Variants in AMMECR1 observed in about 807,000 individuals in gnomAD.
The protein encoded by AMMECR1 is AMMECR nuclear protein 1.
Under a neutral mutation model 22.5 loss-of-function variants are expected in AMMECR1, and 3 were observed. That is an observed-to-expected ratio of 0.13 (90% CI 0.06 to 0.35). The LOEUF is 0.35. AMMECR1 is among the 10% of genes least tolerant of loss of function. The probability of loss-of-function intolerance (pLI) is 1.00; values close to 1 mark genes in which losing one functional copy is unlikely to be tolerated. For missense variants in AMMECR1, 235 were observed against 278.7 expected (o/e 0.84, Z 1.12); for synonymous variants, 130 against 116.7 (o/e 1.11, Z -0.74).
At chrX:110,338,285 C>T in intron 2 of AMMECR1, among the ~76,000 whole-genome samples, 1 of 112,051 alleles carries the variant, frequency 8.9e-6, no homozygotes, top group East Asian at 2.8e-4. Flanking sequence ...CAGACTTGTA[C>T]CCACAAAGAA....
At chrX:110,248,007 T>G (rs2067667938) in intron 2 of AMMECR1, among the ~76,000 whole-genome samples, 1 of 112,104 alleles carries the variant, frequency 8.9e-6, no homozygotes, top group Non-Finnish European at 1.9e-5. Flanking sequence ...CATAAAATAC[T>G]TGTATACTAC....
intron 1 of AMMECR1, among the ~76,000 whole-genome samples, chrX:110,301,406 G>A (rs1488050828): frequency 8.9e-6 from 1 of 112,529 alleles, no homozygotes; most frequent in Non-Finnish European, 1.9e-5. Context: ...GGCAGATACA[G>A]TGCTAAACAA....
rs777771647 is a variant in AMMECR1, at chrX:110,373,614, T to A, written c.-148+53044A>T. On this transcript the variant is annotated intron_variant, in intron 2 of 7. Coordinates refer to the AMMECR1 transcript ENST00000372057. The stretch of plus-strand genomic sequence containing the variant: ...ATATACAAGAAATGGGAGAATTATG[T>A]CCCAAGAAACTACAGATAATACAGT... Among the ~76,000 whole-genome samples, 17 of 112,555 alleles carry A rather than the reference T, an allele frequency of 1.5e-4. No individual in the cohort carries two copies. The East Asian group carries it at 3.3e-3, about 22-fold the overall frequency.
intron 2 of AMMECR1, among the ~76,000 whole-genome samples, chrX:110,257,409 T>C (rs752373109): frequency 8.9e-6 from 1 of 112,488 alleles, no homozygotes; most frequent in Non-Finnish European, 1.9e-5. Flanking sequence ...GTAAACTCCC[T>C]GTGTATGTGT....
At chrX:110,304,045 T>C (rs1397408643) in intron 1 of AMMECR1, among the ~76,000 whole-genome samples, 1 of 112,256 alleles carries the variant, frequency 8.9e-6, no homozygotes, top group Non-Finnish European at 1.9e-5. Flanking sequence ...CAAAGCATAA[T>C]CATTCCTCAA....
At chrX:110,212,128 C>T (rs985804425) in intron 3 of AMMECR1, among the ~76,000 whole-genome samples, 1 of 111,843 alleles carries the variant, frequency 8.9e-6, no homozygotes, top group Non-Finnish European at 1.9e-5. Flanking sequence ...CTACTAACTT[C>T]CATTATAAAA....
intron 2 of AMMECR1, among the ~76,000 whole-genome samples, chrX:110,397,066 G>A (rs1024687890): frequency 1.9e-4 from 21 of 112,079 alleles, no homozygotes; most frequent in Admixed American, 1.6e-3. Flanking sequence ...TGCCAAAGCA[G>A]ATGACTCCCA....
intron 3 of AMMECR1, among the ~76,000 whole-genome samples, chrX:110,216,143 G>A (rs769484541): frequency 1.8e-5 from 2 of 111,812 alleles, no homozygotes; most frequent in Non-Finnish European, 3.8e-5. Flanking sequence ...TTGTTTCTGA[G>A]ATGTATCCTC....
chrX:110,371,976 G>A (rs1402971174), intron 2 of AMMECR1, among the ~76,000 whole-genome samples: 1 of 111,052 alleles, frequency 9.0e-6, no homozygotes, highest in African/African-American at 3.3e-5. Context: ...ATCCTTTACT[G>A]TTACCAATGC....
intron 2 of AMMECR1, among the ~76,000 whole-genome samples, chrX:110,375,251 G>T (rs2068368234): frequency 1.8e-5 from 2 of 112,111 alleles, no homozygotes; most frequent in East Asian, 2.8e-4. Flanking sequence ...ATATAAGAAA[G>T]AAAGAAAGAT....
At chrX:110,324,381 A>G (rs1484543208) in intron 2 of AMMECR1, among the ~76,000 whole-genome samples, 1 of 110,988 alleles carries the variant, frequency 9.0e-6, no homozygotes, top group Non-Finnish European at 1.9e-5. Context: ...ATTTCTTAAG[A>G]TTTTGTGTAC....
At chrX:110,256,990 C>T (rs2067714174) in intron 2 of AMMECR1, among the ~76,000 whole-genome samples, 1 of 111,612 alleles carries the variant, frequency 9.0e-6, no homozygotes, top group African/African-American at 3.2e-5. Context: ...TCTTATTCTT[C>T]CAGAACACTA....
intron 1 of AMMECR1, among the ~76,000 whole-genome samples, chrX:110,277,130 CT>C (rs1217001714): frequency 1.8e-5 from 2 of 111,280 alleles, no homozygotes; most frequent in Non-Finnish European, 3.8e-5. Context: ...AGGAGCAAGT[CT>C]TGCACCAGTT....
intron 2 of AMMECR1, among the ~76,000 whole-genome samples, chrX:110,417,481 T>C (rs1242418000): frequency 1.0e-5 from 1 of 99,876 alleles, no homozygotes; most frequent in Non-Finnish European, 1.9e-5. Flanking sequence ...CAAATGAGCA[T>C]TTTTTTTTTA....
intron 2 of AMMECR1, among the ~76,000 whole-genome samples, chrX:110,374,028 T>C (rs1394651903): frequency 3.6e-5 from 4 of 111,663 alleles, no homozygotes; most frequent in African/African-American, 1.3e-4. Context: ...ACACACATGA[T>C]ATAACAAGAA....
At chrX:110,346,809 T>C (rs927903314) in intron 2 of AMMECR1, 1 of 727,769 alleles carries the variant, frequency 1.4e-6, no homozygotes, top group Admixed American at 2.2e-5. Context: ...TTGTTTCAAG[T>C]CTGCAGCTGC....
At chrX:110,293,635 C>A (rs1417313761) in intron 1 of AMMECR1, among the ~76,000 whole-genome samples, 1 of 111,440 alleles carries the variant, frequency 9.0e-6, no homozygotes, top group African/African-American at 3.3e-5. Flanking sequence ...ATTGATTCTG[C>A]CCCTGTAATG....
intron 2 of AMMECR1, among the ~76,000 whole-genome samples, chrX:110,366,430 T>G (rs1190413700): frequency 8.9e-6 from 1 of 111,861 alleles, no homozygotes; most frequent in Non-Finnish European, 1.9e-5. Flanking sequence ...GGTGAGGGAC[T>G]AGTGGTTCTG....
intron 1 of AMMECR1, among the ~76,000 whole-genome samples, chrX:110,266,125 T>G (rs1382201058): frequency 1.8e-5 from 2 of 109,781 alleles, no homozygotes; most frequent in South Asian, 7.9e-4. Flanking sequence ...TTTTTTTTTT[T>G]GCTTTCTATA....
Sources: allele counts gnomAD v4.1 joint callset (sites outside exome capture counted in the v4.1 genomes callset), GRCh38; gene constraint gnomAD v4.1.1; transcripts MANE v1.5; gene names NCBI Gene and HGNC (gene_info 2026-07-23, HGNC 2026-07-21).